Variants in FAM151A observed in about 807,000 individuals in gnomAD.
FAM151A encodes the protein family with sequence similarity 151 member A.
A neutral mutation model predicts 40.4 loss-of-function variants in FAM151A; 41 were observed. That is an observed-to-expected ratio of 1.01 (90% CI 0.79 to 1.32). The LOEUF (loss-of-function observed/expected upper bound fraction) is 1.32. FAM151A is among the 40% of genes most tolerant of loss of function. FAM151A has a pLI of 0.00. For missense variants in FAM151A, 740 were observed against 740.4 expected (o/e 1.00, Z 0.01); for synonymous variants, 337 against 312.5 (o/e 1.08, Z -0.83).
chr1:54,620,375 C>T (rs956763210), intron 1 of FAM151A, among the ~76,000 whole-genome samples: 1 of 152,172 alleles, frequency 6.6e-6, no homozygotes, highest in Non-Finnish European at 1.5e-5. Context: ...AGCCATTGGC[C>T]TGGTAGAGAT....
At chr1:54,617,071 C>T (rs771400252) in intron 2 of FAM151A, among the ~76,000 whole-genome samples, 1 of 152,188 alleles carries the variant, frequency 6.6e-6, no homozygotes, top group Non-Finnish European at 1.5e-5. Context: ...ATTCTTGTTC[C>T]TGCACAAGGT....
intron 4 of FAM151A, among the ~76,000 whole-genome samples, 171 bp downstream of exon 4, chr1:54,614,529 A>AG (rs926038000): frequency 1.3e-5 from 2 of 152,140 alleles, no homozygotes; most frequent in Non-Finnish European, 2.9e-5. Context: ...TTGTCAGAAA[A>AG]GGGGGGAAAG....
chr1:54,614,912 A>T, intron 3 of FAM151A, 53 bp from the exon 4 acceptor site: 1 of 1,577,394 alleles, frequency 6.3e-7, no homozygotes, highest in Admixed American at 1.7e-5. Flanking sequence ...CTAGGAATAC[A>T]TGACTCCCTG....
intron 5 of FAM151A, 92 bp downstream of exon 5, chr1:54,612,394 A>G: frequency 2.3e-6 from 2 of 881,924 alleles, no homozygotes; most frequent in Non-Finnish European, 3.6e-6. Flanking sequence ...GGACGAAATG[A>G]CCTTTAAGAC....
In FAM151A at chr1:54,612,637, T is replaced by C; in HGVS notation, c.649A>G (p.Thr217Ala). Reference sequence around the variant, plus strand: ...TGGGTGTACGTCCTGTTTGGGGACGTGGACATGTAGAAGGTGGTCCAGCCT... The same window carrying C: ...TGGGTGTACGTCCTGTTTGGGGACGCGGACATGTAGAAGGTGGTCCAGCCT... ...SPGWTTFYMS[T>A]SPNRTYTQAM... is the part of the protein sequence containing the mutation. The change falls in exon 5 of 8, where the codon ACG becomes GCG. Residue 217 changes from threonine to alanine, a missense_variant. Transcript: ENST00000302250. 1 of 1,614,050 alleles carries C rather than the reference T, an allele frequency of 6.2e-7. No individual in the cohort carries two copies. The highest frequency in any genetic ancestry group is 8.5e-7 in the Non-Finnish European group (1 of 1,179,998).
chr1:54,610,129 T>A, intron 7 of FAM151A, 188 bp from the exon 8 acceptor site: 1 of 1,433,014 alleles, frequency 7.0e-7, no homozygotes, highest in Non-Finnish European at 9.1e-7. Flanking sequence ...CATGAGAAAC[T>A]CTTGTTTCAG....
intron 1 of FAM151A, among the ~76,000 whole-genome samples, chr1:54,622,915 C>T (rs894778115): frequency 2.6e-5 from 4 of 151,950 alleles, no homozygotes. Flanking sequence ...TGACTCACAC[C>T]TGTAATCCCA....
Position 54,612,724 on chromosome 1 carries a change from A to G in FAM151A, c.576-14T>C, listed in dbSNP as rs1301001830. Reference sequence around the variant, plus strand: ...AGGGCCAGGAACCTGCAAAAAAATCAGAGATGTTGGTCTCACGGAGCTGCA... The same window carrying G: ...AGGGCCAGGAACCTGCAAAAAAATCGGAGATGTTGGTCTCACGGAGCTGCA... On this transcript the variant is annotated splice_polypyrimidine_tract_variant and intron_variant, in intron 4 of 7. Transcript: ENST00000302250. 1 of 1,607,068 alleles carries G rather than the reference A, an allele frequency of 6.2e-7. No individual in the cohort carries two copies.
intron 6 of FAM151A, chr1:54,611,017 G>A: frequency 3.0e-6 from 3 of 985,388 alleles, no homozygotes; most frequent in Non-Finnish European, 3.6e-6. Context: ...GAAATAATGG[G>A]GGGTTTGGAA....
chr1:54,617,288 T>C (rs1468446438), intron 2 of FAM151A, among the ~76,000 whole-genome samples: 1 of 152,128 alleles, frequency 6.6e-6, no homozygotes, highest in Non-Finnish European at 1.5e-5. Context: ...GGGGCCGCTT[T>C]TGGCCCTTGC....
chr1:54,613,980 T>C (rs1644144895), intron 4 of FAM151A, among the ~76,000 whole-genome samples: 1 of 152,176 alleles, frequency 6.6e-6, no homozygotes, highest in African/African-American at 2.4e-5. Flanking sequence ...AAAATAAAAG[T>C]AATACTACCT....
In FAM151A at chr1:54,610,544, G is replaced by A. The variant is rs140941529; in HGVS notation, c.952C>T (p.Arg318Trp). Residue 318 changes from arginine (R) to tryptophan (W), a missense_variant, in exon 7 of 8, where the codon CGG becomes TGG. Physicochemically the swap from Arg to Trp is moderately radical, Grantham distance 101. Coordinates refer to ENST00000302250, the MANE Select transcript of FAM151A (RefSeq NM_176782.3). ...CCTCCCGTGTAGTACATTGGTTTCC[G>A]TGTGGCATTCACTGTGGGGCCCCAA... ...QFKQLALNATRKPMYYTGGSL... is the reference protein window; with the variant it reads ...QFKQLALNATWKPMYYTGGSL... The A allele has an allele frequency of 1.7e-4, 273 of 1,612,024 alleles. 2 individuals carry two copies. The highest frequency in any genetic ancestry group is 2.1e-4 in the Non-Finnish European group (253 of 1,178,804).
Position 54,611,695 on chromosome 1 carries a change from T to A in FAM151A, c.851A>T (p.Asp284Val). The A allele has an allele frequency of 6.2e-7, 1 of 1,614,080 alleles. No individual in the cohort carries two copies. The highest frequency in any genetic ancestry group is 8.5e-7 in the Non-Finnish European group (1 of 1,180,012). ...QAASDPMSVE[D>V]LLYVRDNTAV... ...AGTGTTATCCCGGACGTAGAGCAGATCTTCCACCGACATGGGGTCCGAGGC... is the reference window on the plus strand; with the variant it reads ...AGTGTTATCCCGGACGTAGAGCAGAACTTCCACCGACATGGGGTCCGAGGC... The change falls in exon 6 of 8, where the codon GAT (aspartate) becomes GTT (valine). Residue 284 changes from aspartate to valine, a missense_variant. By Grantham distance (152) the Asp-to-Val change is radical. Coordinates refer to ENST00000302250, the MANE Select transcript of FAM151A (RefSeq NM_176782.3).
At chr1:54,610,864 T>G in intron 6 of FAM151A, 2 of 985,338 alleles carry the variant, frequency 2.0e-6, no homozygotes, top group Non-Finnish European at 2.4e-6. Flanking sequence ...TGGGGCCTCT[T>G]TGAGATGGCT....
intron 1 of FAM151A, among the ~76,000 whole-genome samples, chr1:54,620,425 G>A (rs1644218515): frequency 1.3e-5 from 2 of 152,266 alleles, no homozygotes; most frequent in Admixed American, 1.3e-4. Flanking sequence ...GGAAGAGGGG[G>A]CCGGGCATGG....
chr1:54,612,523 A>C lies in FAM151A; in HGVS notation c.763T>G (p.Trp255Gly). Residue 255 changes from tryptophan to glycine, a missense_variant, in exon 5 of 8, where the codon TGG becomes GGG. Coordinates refer to ENST00000302250, the MANE Select transcript of FAM151A (RefSeq NM_176782.3). The part of the protein sequence containing the change: ...PVRSSMVRAA[W>G]PHFSWLLSQS... ...CTCAGCAGCCAGCTGAAGTGGGGCC[A>C]GGCAGCCCGCACCATGGAAGACCGT... is the stretch of plus-strand genomic sequence containing the variant. The C allele has an allele frequency of 6.2e-7, 1 of 1,614,016 alleles. No homozygotes were observed. The highest frequency in any genetic ancestry group is 1.6e-4 in the Middle Eastern group (1 of 6,062).
At chr1:54,612,402 G>A (rs2101015783) in intron 5 of FAM151A, 84 bp downstream of exon 5, 2 of 991,936 alleles carry the variant, frequency 2.0e-6, no homozygotes, top group Non-Finnish European at 3.1e-6. Flanking sequence ...TGACCTTTAA[G>A]ACCCTTCCAG....
chr1:54,612,310 T>G (rs1644127276), intron 5 of FAM151A, among the ~76,000 whole-genome samples, 176 bp downstream of exon 5: 1 of 151,652 alleles, frequency 6.6e-6, no homozygotes. Context: ...TGGGAGGTAG[T>G]GAGTAGCCCG....
At chr1:54,610,660 G>A (rs1644108425) in intron 6 of FAM151A, 105 bp from the exon 7 acceptor site, 2 of 1,493,578 alleles carry the variant, frequency 1.3e-6, no homozygotes, top group African/African-American at 2.8e-5. Context: ...TCCTCTCTAA[G>A]CCTCATAGCA....
Sources: allele counts gnomAD v4.1 joint callset (sites outside exome capture counted in the v4.1 genomes callset), GRCh38; gene constraint gnomAD v4.1.1; transcripts MANE v1.5; gene names NCBI Gene and HGNC (gene_info 2026-07-23, HGNC 2026-07-21).